The following NBAS variants were observed in gnomAD, a reference collection of about 807,000 sequenced individuals.
The protein encoded by NBAS is NAG/BC035112 fusion.
Under a neutral mutation model 302.5 loss-of-function variants are expected in NBAS, and 219 were observed. The observed-to-expected ratio is 0.72, with a 90% confidence interval of 0.65 to 0.81. The LOEUF (loss-of-function observed/expected upper bound fraction) is 0.81. Ranked by LOEUF, NBAS falls within the 30% of genes least tolerant of loss-of-function variation. The pLI is 0.00. For synonymous variants in NBAS, 1,118 were observed against 1,021.6 expected (o/e 1.09, Z -1.80); for missense variants, 2,932 against 2,841.6 (o/e 1.03, Z -0.72).
At chr2:15,134,481 T>TCA in the NBAS span, among the ~76,000 whole-genome samples, 25 of 151,736 alleles carry the variant, frequency 1.6e-4, no homozygotes, top group East Asian at 1.6e-3. Context: ...TGTCTCTCTC[T>TCA]CACACACACA....
the NBAS span, among the ~76,000 whole-genome samples, chr2:15,127,545 T>C: frequency 3.3e-5 from 5 of 152,304 alleles, no homozygotes; most frequent in Admixed American, 2.6e-4. Flanking sequence ...TACATTTTCA[T>C]TGAGAGGTGG....
At position 15,238,984 on chromosome 2, in the gene NBAS, A is replaced by G. The variant is rs116305890; in HGVS notation, c.5725-298T>C. ...TGCAAAAATGAGGAGTCATTTCTAC[A>G]GCCATATTCCCAGTTCTGATCACTT... On this transcript the variant is annotated intron_variant, in intron 44 of 51. Coordinates refer to ENST00000281513, the MANE Select transcript of NBAS (RefSeq NM_015909.4). 7.5e-3 allele frequency among the ~76,000 whole-genome samples: 1,138 copies of G among 152,284 alleles called. 14 individuals are homozygous for G. Among genetic ancestry groups the G allele is most frequent in the African/African-American group, 0.027 (1,103 of 41,558 alleles).
the NBAS span, among the ~76,000 whole-genome samples, chr2:14,905,190 A>G: frequency 6.6e-5 from 10 of 152,224 alleles, no homozygotes; most frequent in Non-Finnish European, 1.2e-4. Flanking sequence ...CTCTGGCAAC[A>G]TCTTCACAGA....
At chr2:15,318,451 C>T (rs1240564434) in intron 38 of NBAS, among the ~76,000 whole-genome samples, 5 of 152,220 alleles carry the variant, frequency 3.3e-5, no homozygotes, top group African/African-American at 1.2e-4. Flanking sequence ...CACAGACTGG[C>T]AAATTGGGTA....
chr2:14,981,841 C>T, the NBAS span, among the ~76,000 whole-genome samples: 1 of 152,172 alleles, frequency 6.6e-6, no homozygotes, highest in Non-Finnish European at 1.5e-5. Flanking sequence ...CACCAGAATG[C>T]TGGAGTTTAT....
chr2:15,187,424 G>C (rs1233052039), intron 49 of NBAS, among the ~76,000 whole-genome samples: 3 of 152,094 alleles, frequency 2.0e-5, no homozygotes, highest in African/African-American at 7.2e-5. Flanking sequence ...AATGGGGTCA[G>C]GGCAGGACTA....
At chr2:15,055,800 T>C in the NBAS span, among the ~76,000 whole-genome samples, 1 of 152,148 alleles carries the variant, frequency 6.6e-6, no homozygotes, top group African/African-American at 2.4e-5. Context: ...AAGGAAGAGA[T>C]CTAGACTGGA....
At chr2:15,387,624 T>C (rs1675367173) in intron 28 of NBAS, among the ~76,000 whole-genome samples, 2 of 137,022 alleles carry the variant, frequency 1.5e-5, no homozygotes, top group Non-Finnish European at 3.2e-5. Context: ...GAATAAGTCA[T>C]TCATCTGGAA....
chr2:15,205,271 T>C (rs924685221), intron 48 of NBAS, among the ~76,000 whole-genome samples: 3 of 151,446 alleles, frequency 2.0e-5, no homozygotes, highest in African/African-American at 7.3e-5. Flanking sequence ...AAAAATAAAA[T>C]GCAAGAAATT....
At chr2:15,540,571 T>C (rs1663761032) in intron 6 of NBAS, among the ~76,000 whole-genome samples, 1 of 152,064 alleles carries the variant, frequency 6.6e-6, no homozygotes, top group Non-Finnish European at 1.5e-5. Flanking sequence ...CAAGTCCAAA[T>C]GCCTCAATAT....
At chr2:15,085,284 A>G in the NBAS span, among the ~76,000 whole-genome samples, 1 of 152,008 alleles carries the variant, frequency 6.6e-6, no homozygotes, top group Non-Finnish European at 1.5e-5. Flanking sequence ...TGGTGCAGCC[A>G]CTGGGCCCAC....
the NBAS span, among the ~76,000 whole-genome samples, chr2:15,093,823 C>G: frequency 6.6e-6 from 1 of 151,694 alleles, no homozygotes; most frequent in Non-Finnish European, 1.5e-5. Flanking sequence ...TTTTTTTAAG[C>G]ATAGAAAAAG....
chr2:15,460,382 A>G (rs1450114521), intron 21 of NBAS, among the ~76,000 whole-genome samples: 1 of 152,222 alleles, frequency 6.6e-6, no homozygotes, highest in Non-Finnish European at 1.5e-5. Flanking sequence ...TTAATCATTG[A>G]GCCACACTTA....
intron 51 of NBAS, among the ~76,000 whole-genome samples, chr2:15,177,167 T>C (rs1664582985): frequency 6.6e-6 from 1 of 152,352 alleles, no homozygotes; most frequent in Admixed American, 6.5e-5. Flanking sequence ...TTTCGTGCGC[T>C]ATCATCACAA....
At chr2:15,281,021 A>C (rs370791074) in intron 42 of NBAS, among the ~76,000 whole-genome samples, 19 of 152,296 alleles carry the variant, frequency 1.2e-4, no homozygotes, top group African/African-American at 4.3e-4. Flanking sequence ...AAGTGTCTGC[A>C]AACTGAAGAA....
intron 47 of NBAS, among the ~76,000 whole-genome samples, chr2:15,220,524 G>A (rs1666903770): frequency 6.6e-6 from 1 of 152,164 alleles, no homozygotes; most frequent in African/African-American, 2.4e-5. Context: ...AAGTATGAAT[G>A]CTTGGTTATT....
chr2:15,190,259 C>T lies in NBAS; in HGVS notation c.6572+5G>A. On this transcript the variant is annotated splice_donor_5th_base_variant and intron_variant, in intron 49 of 51. Transcript: ENST00000281513. ...TAATTACGCTAATTTTATGTTAATACTTACACATATTCACTTTTCATAGGT... is the reference window on the plus strand; with the variant it reads ...TAATTACGCTAATTTTATGTTAATATTTACACATATTCACTTTTCATAGGT... 6.2e-7 allele frequency: 1 copy of T among 1,613,784 alleles called. No individual in the cohort carries two copies. Among genetic ancestry groups the T allele is most frequent in the Non-Finnish European group, 8.5e-7 (1 of 1,179,814 alleles).
rs950910897 is a variant in NBAS, at chr2:15,291,015, C to T, written c.5027+1522G>A. Among the ~76,000 whole-genome samples, 15 of 152,340 alleles carry T rather than the reference C, an allele frequency of 9.8e-5. No individual in the cohort carries two copies. In the South Asian group the frequency reaches 2.7e-3, roughly 27 times the overall value. On this transcript the variant is annotated intron_variant, in intron 41 of 51. Transcript: ENST00000281513. ...TGATAATGATAAAAAATAACATACT[C>T]CACTATCATAATGAAGATTATCTTT... is the stretch of plus-strand genomic sequence containing the variant.
chr2:15,105,453 T>G, the NBAS span, among the ~76,000 whole-genome samples: 1 of 151,450 alleles, frequency 6.6e-6, no homozygotes, highest in African/African-American at 2.4e-5. Context: ...CCAGAATGAC[T>G]ACTTACAAAA....
Sources: allele counts gnomAD v4.1 joint callset (sites outside exome capture counted in the v4.1 genomes callset), GRCh38; gene constraint gnomAD v4.1.1; transcripts MANE v1.5; gene names NCBI Gene and HGNC (gene_info 2026-07-23, HGNC 2026-07-21).